Variants in TTC27 observed in about 807,000 individuals in gnomAD.
TTC27 encodes tetratricopeptide repeat protein 27.
TTC27 carries 79 observed loss-of-function variants against 115.9 expected under a neutral mutation model. The ratio of observed to expected loss-of-function variants is 0.68; its 90% CI spans 0.57 to 0.82. TTC27 has a LOEUF of 0.82. TTC27 is among the 40% of genes least tolerant of loss of function. TTC27 has a pLI of 0.00. For missense variants in TTC27, 1,054 were observed against 993.1 expected, an observed-to-expected ratio of 1.06 and a Z score of -0.82; for synonymous variants, 401 against 356.0, an observed-to-expected ratio of 1.13 and a Z score of -1.42.
At chr2:32,800,793 C>T (rs1208250864) in intron 16 of TTC27, among the ~76,000 whole-genome samples, 2 of 152,208 alleles carry the variant, frequency 1.3e-5, no homozygotes, top group Admixed American at 6.5e-5. Context: ...AGCCACCGTG[C>T]CTGGTCACAA....
At chr2:32,777,858 G>A (rs755459842) in intron 13 of TTC27, 24 bp from the exon 14 acceptor site, 1 of 1,610,782 alleles carries the variant, frequency 6.2e-7, no homozygotes, top group Non-Finnish European at 8.5e-7. Flanking sequence ...GTGTTTGAAT[G>A]ACTTTGACTT....
intron 9 of TTC27, among the ~76,000 whole-genome samples, chr2:32,690,749 T>G (rs1666782588): frequency 6.6e-6 from 1 of 152,236 alleles, no homozygotes; most frequent in African/African-American, 2.4e-5. Flanking sequence ...GGACTGCTCT[T>G]CCACTTCTAC....
intron 5 of TTC27, among the ~76,000 whole-genome samples, chr2:32,663,463 C>A (rs1219961114): frequency 6.6e-6 from 1 of 152,112 alleles, no homozygotes; most frequent in Admixed American, 6.5e-5. Flanking sequence ...GTGATCGCCT[C>A]GCCCTGCTTT....
intron 12 of TTC27, among the ~76,000 whole-genome samples, chr2:32,756,793 C>T (rs1175794736): frequency 2.6e-5 from 4 of 152,200 alleles, no homozygotes; most frequent in Non-Finnish European, 4.4e-5. Flanking sequence ...TTGGCAGCAC[C>T]ACTGCTGTTT....
chr2:32,680,745 C>T (rs1404960844), intron 9 of TTC27, among the ~76,000 whole-genome samples: 1 of 152,080 alleles, frequency 6.6e-6, no homozygotes, highest in Non-Finnish European at 1.5e-5. Flanking sequence ...TTTCTGCTGG[C>T]CAGTAGTAAC....
At chr2:32,784,933 A>T (rs1482159628) in intron 15 of TTC27, among the ~76,000 whole-genome samples, 1 of 152,168 alleles carries the variant, frequency 6.6e-6, no homozygotes, top group Non-Finnish European at 1.5e-5. Flanking sequence ...TCCATGGAAC[A>T]ATTTATGACT....
intron 9 of TTC27, among the ~76,000 whole-genome samples, chr2:32,686,861 G>T (rs1435524975): frequency 5.9e-5 from 9 of 151,600 alleles, no homozygotes; most frequent in Middle Eastern, 3.5e-3. Context: ...TTGTGTGTGT[G>T]TGAGATGGAG....
intron 4 of TTC27, among the ~76,000 whole-genome samples, chr2:32,643,417 T>C (rs1004507167): frequency 5.9e-5 from 9 of 151,804 alleles, no homozygotes; most frequent in Admixed American, 2.0e-4. Flanking sequence ...GTGATTCTCC[T>C]GCCTCAGCCT....
intron 16 of TTC27, among the ~76,000 whole-genome samples, chr2:32,800,790 G>A (rs1279919640): frequency 6.6e-6 from 1 of 152,138 alleles, no homozygotes; most frequent in Non-Finnish European, 1.5e-5. Context: ...GTGAGCCACC[G>A]TGCCTGGTCA....
At chr2:32,737,997 C>G (rs1431445697) in intron 12 of TTC27, among the ~76,000 whole-genome samples, 2 of 152,082 alleles carry the variant, frequency 1.3e-5, no homozygotes, top group Non-Finnish European at 2.9e-5. Flanking sequence ...GCCTAGACGA[C>G]ACAGTGAGAC....
rs368034139 is a variant in TTC27, at chr2:32,753,689, C to T, written c.1453-4603C>T. Among the ~76,000 whole-genome samples the T allele has an allele frequency of 2.4e-4, 36 of 152,152 alleles. No homozygotes were observed. The South Asian group carries it at 6.2e-3, about 26-fold the overall frequency. ...CTCAAACTCCTGGCCTCAAGTGATC[C>T]GCCCACACTGGTCTCCCAAAGTGTT... On this transcript the variant is annotated intron_variant, in intron 12 of 19. Transcript: ENST00000317907.
chr2:32,686,072 A>T (rs913845631), intron 9 of TTC27, among the ~76,000 whole-genome samples: 8 of 152,252 alleles, frequency 5.3e-5, no homozygotes, highest in African/African-American at 1.9e-4. Flanking sequence ...AAAGAATTTT[A>T]AAATCATTTG....
Position 32,669,138 on chromosome 2 carries a change from C to T in TTC27, c.939+2370C>T, listed in dbSNP as rs114482722. 9.5e-3 allele frequency among the ~76,000 whole-genome samples: 1,450 copies of T among 152,054 alleles called. 13 individuals are homozygous for T. The highest frequency in any genetic ancestry group is 0.027 in the Middle Eastern group (8 of 294). On this transcript the variant is annotated intron_variant, in intron 7 of 19. Coordinates refer to ENST00000317907, the MANE Select transcript of TTC27 (RefSeq NM_017735.5). The stretch of plus-strand genomic sequence containing the variant: ...TTTTACCTGTTTATCTATTTAGAGA[C>T]CAGGTTATGAGACTGGCTAATTTTT...
chr2:32,695,552 C>T (rs776297710), intron 9 of TTC27, among the ~76,000 whole-genome samples: 1 of 151,904 alleles, frequency 6.6e-6, no homozygotes. Flanking sequence ...AACCCCATCT[C>T]TACTAAAAAT....
At chr2:32,665,855 C>G (rs1203103158) in intron 6 of TTC27, among the ~76,000 whole-genome samples, 5 of 152,040 alleles carry the variant, frequency 3.3e-5, no homozygotes, top group African/African-American at 1.2e-4. Context: ...CGCACCACTG[C>G]ACTATAGCCT....
At chr2:32,773,862 T>G (rs1460590461) in intron 13 of TTC27, among the ~76,000 whole-genome samples, 2 of 152,190 alleles carry the variant, frequency 1.3e-5, no homozygotes, top group Admixed American at 6.5e-5. Context: ...AAGGGAAGGA[T>G]GCAAGGTATT....
chr2:32,786,764 G>A (rs1311917484), intron 15 of TTC27, among the ~76,000 whole-genome samples: 2 of 152,118 alleles, frequency 1.3e-5, no homozygotes, highest in Non-Finnish European at 2.9e-5. Context: ...ATTAGGAAAG[G>A]AATATCTCTG....
At chr2:32,708,599 C>T (rs775744555) in intron 10 of TTC27, among the ~76,000 whole-genome samples, 1 of 151,978 alleles carries the variant, frequency 6.6e-6, no homozygotes, top group Non-Finnish European at 1.5e-5. Context: ...TGAGCCACTG[C>T]GCCCGGCCTC....
chr2:32,635,114 C>G (rs1462330688), intron 3 of TTC27: 1 of 152,070 alleles, frequency 6.6e-6, no homozygotes, highest in African/African-American at 2.4e-5. Context: ...CGATCTGTGC[C>G]AGTGTGTCGC....
Sources: allele counts gnomAD v4.1 joint callset (sites outside exome capture counted in the v4.1 genomes callset), GRCh38; gene constraint gnomAD v4.1.1; transcripts MANE v1.5; gene names NCBI Gene and HGNC (gene_info 2026-07-23, HGNC 2026-07-21).